The following FAM118B variants were observed in gnomAD, a reference collection of about 807,000 sequenced individuals.
FAM118B encodes the protein protein FAM118B.
A neutral mutation model predicts 38.5 loss-of-function variants in FAM118B; 24 were observed. The ratio of observed to expected loss-of-function variants is 0.62; its 90% CI spans 0.45 to 0.88. The LOEUF (loss-of-function observed/expected upper bound fraction) is 0.88, where lower values mean the gene tolerates loss of function less well. FAM118B is among the 40% of genes least tolerant of loss of function. FAM118B has a pLI of 0.00. For synonymous variants in FAM118B, 138 were observed against 156.3 expected, an observed-to-expected ratio of 0.88 and a Z score of 0.87; for missense variants, 334 against 420.0, an observed-to-expected ratio of 0.80 and a Z score of 1.79.
chr11:126,236,801 C>T (rs943167378), intron 3 of FAM118B, among the ~76,000 whole-genome samples: 10 of 148,692 alleles, frequency 6.7e-5, no homozygotes, highest in South Asian at 4.3e-4. Context: ...TTAGCTTTCT[C>T]GGGGGTTCTC....
intron 4 of FAM118B, among the ~76,000 whole-genome samples, chr11:126,242,747 A>G (rs1229898276): frequency 6.6e-6 from 1 of 152,210 alleles, no homozygotes; most frequent in East Asian, 1.9e-4. Context: ...GTTATTAAGG[A>G]TGTGGAGAAA....
chr11:126,233,684 T>C lies in FAM118B; in HGVS notation c.-7-1311T>C, dbSNP rs1230265839. ...ATTTCTATTTACCTTATGATTATGA[T>C]ATAAAGAAGAATTACACTGCGTGTG... On this transcript the variant is annotated intron_variant, in intron 2 of 8. Coordinates refer to ENST00000533050, the MANE Select transcript of FAM118B (RefSeq NM_024556.4). 6 of 454,770 alleles carry C rather than the reference T, an allele frequency of 1.3e-5. No homozygotes were observed. In the East Asian group the frequency reaches 4.2e-4, roughly 32 times the overall value. The allele number at this position is 454,770 out of a possible 1,614,324, so 28.2% of individuals were successfully genotyped here.
At chr11:126,211,735 T>G (rs1949878821), upstream of FAM118B, 3 of 1,406,954 alleles carry the variant, frequency 2.1e-6, no homozygotes, top group South Asian at 1.3e-5. Flanking sequence ...TGGTGCGGGG[T>G]GGGGCCTGGG....
intron 2 of FAM118B, among the ~76,000 whole-genome samples, chr11:126,233,195 G>C (rs1255945649): frequency 1.3e-5 from 2 of 152,178 alleles, no homozygotes; most frequent in African/African-American, 2.4e-5. Flanking sequence ...AAACATCCCA[G>C]CTGGGTGCGG....
chr11:126,220,294 C>T (rs185562267), intron 1 of FAM118B, among the ~76,000 whole-genome samples: 42 of 152,366 alleles, frequency 2.8e-4, no homozygotes, highest in Non-Finnish European at 5.7e-4. Context: ...CTTGGTCTTC[C>T]ACTGACCTCC....
At chr11:126,239,120 C>T (rs149808773) in intron 3 of FAM118B, among the ~76,000 whole-genome samples, 95 of 151,922 alleles carry the variant, frequency 6.3e-4, no homozygotes, top group African/African-American at 2.1e-3. Flanking sequence ...GGACTACAGA[C>T]GTGCCTAATT....
chr11:126,261,268 CCT>C (rs1950691709), intron 7 of FAM118B, 155 bp from the exon 8 acceptor site: 2 of 615,766 alleles, frequency 3.2e-6, no homozygotes, highest in Admixed American at 2.8e-5. Context: ...TCCAGTTTAT[CCT>C]CTCTGCCTCC....
At chr11:126,261,193 A>C (rs1001905895) in intron 7 of FAM118B, 39 of 480,880 alleles carry the variant, frequency 8.1e-5, no homozygotes, top group Non-Finnish European at 1.1e-4. Context: ...TTTGTCTACA[A>C]GCAATCGTAG....
chr11:126,257,639 A>G (rs1175472539), intron 7 of FAM118B, among the ~76,000 whole-genome samples: 1 of 144,866 alleles, frequency 6.9e-6, no homozygotes, highest in Non-Finnish European at 1.5e-5. Flanking sequence ...GTAGAAATGT[A>G]TCTGGAATGT....
chr11:126,247,018 T>G (rs1381822136), intron 4 of FAM118B, among the ~76,000 whole-genome samples: 1 of 152,196 alleles, frequency 6.6e-6, no homozygotes, highest in Non-Finnish European at 1.5e-5. Context: ...ATTAGCCTAG[T>G]GTGGTGGTAC....
rs201804756 is a variant in FAM118B at position 126,250,500 on chromosome 11, C to T, written c.340-6C>T. 2,281 of 1,605,552 alleles carry T rather than the reference C, an allele frequency of 1.4e-3. 3 individuals carry two copies. Among genetic ancestry groups the T allele is most frequent in the Non-Finnish European group, 1.8e-3 (2,133 of 1,172,528 alleles). ...ACTAATTTTCTTTTTTCAAATCCCT[C>T]CTCAGCGTACCAGTAATGTTCGATC... On this transcript the variant is annotated splice_region_variant and splice_polypyrimidine_tract_variant and intron_variant, in intron 4 of 8. Transcript: ENST00000533050. The surrounding 1 kb of genome is among the most constrained non-coding windows in gnomAD (Gnocchi z 5.1).
In FAM118B at chr11:126,247,867, AT is replaced by A. The variant is rs200705688; in HGVS notation, c.340-2638del. The stretch of plus-strand genomic sequence containing the variant: ...ATCGAGACTCCATCTCAAAAAAAAA[AT>A]ATATATATATATCTATATATATATA... On this transcript the variant is annotated intron_variant, in intron 4 of 8. Transcript: ENST00000533050. Among the ~76,000 whole-genome samples the A allele has an allele frequency of 5.2e-4, 62 of 119,220 alleles. 1 individual carries two copies. The highest frequency in any genetic ancestry group is 7.9e-4 in the Non-Finnish European group (43 of 54,356). 78.2% of individuals were successfully genotyped at this position (119,220 alleles called of 152,430 possible).
chr11:126,212,934 A>G (rs1014557514), intron 1 of FAM118B, among the ~76,000 whole-genome samples: 2 of 152,186 alleles, frequency 1.3e-5, no homozygotes, highest in African/African-American at 4.8e-5. Context: ...AATGCAGGAC[A>G]GATGGGGAAG....
chr11:126,227,316 C>A (rs1950156387), intron 1 of FAM118B, among the ~76,000 whole-genome samples: 1 of 152,080 alleles, frequency 6.6e-6, no homozygotes, highest in African/African-American at 2.4e-5. Context: ...ACCTGCTTGG[C>A]CTCCCAAAGT....
rs942696265 is a variant in FAM118B at position 126,244,325 on chromosome 11, T to G, written c.339+3281T>G. On this transcript the variant is annotated intron_variant, in intron 4 of 8. Transcript: ENST00000533050. The surrounding 1 kb of genome is among the most constrained non-coding windows in gnomAD (Gnocchi z 4.5). ...TCTGTTTGCAGATGTGATGATCTAG[T>G]CTATAGAAGATCCTAGGTTATCCTC... is the stretch of plus-strand genomic sequence containing the variant. Among the ~76,000 whole-genome samples the G allele has an allele frequency of 6.6e-6, 1 of 152,176 alleles. No individual in the cohort carries two copies. Among genetic ancestry groups the G allele is most frequent in the Non-Finnish European group, 1.5e-5 (1 of 68,032 alleles).
chr11:126,214,490 G>GGTTTTTTT (rs1949942521), intron 1 of FAM118B: 1 of 25,814 alleles, frequency 3.9e-5, no homozygotes, highest in African/African-American at 1.4e-4. Context: ...TTTTGTTTCT[G>GGTTTTTTT]TTTTTTTTTT....
chr11:126,241,136 A>G (rs890812770), intron 4 of FAM118B, 92 bp downstream of exon 4: 2 of 1,307,254 alleles, frequency 1.5e-6, no homozygotes, highest in African/African-American at 3.0e-5. Flanking sequence ...CTAGCATGCC[A>G]AATGTAACAG....
chr11:126,262,213 G>C lies in FAM118B; in HGVS notation c.*80G>C. The stretch of plus-strand genomic sequence containing the variant: ...CAGTGTTTAACAAGTAAACTTACAA[G>C]AACCCAACACAATTCCCAGAAAGTA... On this transcript the variant is annotated 3_prime_UTR_variant, in exon 9 of 9. Transcript: ENST00000533050. The C allele has an allele frequency of 6.8e-7, 1 of 1,480,972 alleles. No homozygotes were observed. Among genetic ancestry groups the C allele is most frequent in the Non-Finnish European group, 9.4e-7 (1 of 1,062,522 alleles). The allele number at this position is 1,480,972 out of a possible 1,614,324, so 91.7% of individuals were successfully genotyped here. A position where few individuals can be genotyped will look rare whatever the true frequency, so the allele number is the denominator to read the frequency against.
At chr11:126,232,377 G>T (rs1424732526) in intron 2 of FAM118B, among the ~76,000 whole-genome samples, 1 of 152,132 alleles carries the variant, frequency 6.6e-6, no homozygotes, top group Non-Finnish European at 1.5e-5. Flanking sequence ...AATAAGGTAA[G>T]AACAATGCCT....
Sources: allele counts gnomAD v4.1 joint callset (sites outside exome capture counted in the v4.1 genomes callset), GRCh38; gene constraint gnomAD v4.1.1; non-coding constraint Gnocchi (gnomAD v3.1); transcripts MANE v1.5; gene names NCBI Gene and HGNC (gene_info 2026-07-23, HGNC 2026-07-21).